The following CHRM3 variants were observed in gnomAD, a reference collection of about 807,000 sequenced individuals.
The protein encoded by CHRM3 is muscarinic acetylcholine receptor M3.
Under a neutral mutation model 41.8 loss-of-function variants are expected in CHRM3, and 11 were observed. The observed-to-expected ratio is 0.26, with a 90% confidence interval of 0.17 to 0.44. The LOEUF (loss-of-function observed/expected upper bound fraction) is 0.44. Among genes scored for constraint, CHRM3 ranks in the 20% least tolerant of loss-of-function variants. CHRM3 has a pLI of 1.00. For synonymous variants in CHRM3, 297 were observed against 301.4 expected (o/e 0.99, Z 0.15); for missense variants, 571 against 745.4 (o/e 0.77, Z 2.72).
chr1:239,802,452 T>G (rs565313044), intron 5 of CHRM3, among the ~76,000 whole-genome samples: 1 of 152,282 alleles, frequency 6.6e-6, no homozygotes, highest in South Asian at 2.1e-4. Context: ...CCCCTGTGAG[T>G]GCTTTGCGAA....
chr1:239,785,091 G>T (rs576081036), intron 5 of CHRM3, among the ~76,000 whole-genome samples: 57 of 151,998 alleles, frequency 3.8e-4, no homozygotes, highest in Non-Finnish European at 6.8e-4. Context: ...CTATCCATGT[G>T]CCAGCTTTGC....
At chr1:239,652,014 A>G (rs1672291136) in intron 4 of CHRM3, among the ~76,000 whole-genome samples, 3 of 150,110 alleles carry the variant, frequency 2.0e-5, no homozygotes, top group African/African-American at 7.4e-5. Context: ...ATGCAGCTAC[A>G]AGGCCACCAG....
At chr1:239,879,668 C>T (rs564162661) in intron 6 of CHRM3, among the ~76,000 whole-genome samples, 5 of 152,294 alleles carry the variant, frequency 3.3e-5, no homozygotes, top group East Asian at 3.9e-4. Context: ...GTGCAGAATC[C>T]GGCAGCAATG....
intron 1 of CHRM3, among the ~76,000 whole-genome samples, chr1:239,469,270 T>C (rs1042724840): frequency 6.6e-6 from 1 of 152,246 alleles, no homozygotes; most frequent in African/African-American, 2.4e-5. Context: ...CATACCTGTG[T>C]GTCTCTGTCC....
intron 6 of CHRM3, among the ~76,000 whole-genome samples, chr1:239,869,919 T>A (rs1180239864): frequency 6.6e-6 from 1 of 152,096 alleles, no homozygotes; most frequent in African/African-American, 2.4e-5. Context: ...AAGGGAGTGA[T>A]CATTTGGAGT....
At chr1:239,759,186 T>G (rs551412194) in intron 5 of CHRM3, among the ~76,000 whole-genome samples, 1,579 of 134,436 alleles carry the variant, frequency 0.012, 38 homozygotes, top group African/African-American at 0.049. Context: ...TTTTTTGTTT[T>G]TTTTTTTTTT....
rs527324422 is a variant in CHRM3 at position 239,819,159 on chromosome 1, G to T, written c.-146-8093G>T. ...TCCCTGGCCAAGCAGATAGATTTGC[G>T]CTCCTTAAAAGCTCTACCTTGTTGC... On this transcript the variant is annotated intron_variant, in intron 5 of 6. Coordinates refer to ENST00000676153, the MANE Select transcript of CHRM3 (RefSeq NM_001375978.1). Among the ~76,000 whole-genome samples the T allele has an allele frequency of 5.3e-5, 8 of 152,230 alleles. No individual in the cohort carries two copies. In the South Asian group the frequency reaches 1.7e-3, roughly 32 times the overall value.
intron 6 of CHRM3, among the ~76,000 whole-genome samples, chr1:239,888,441 T>C (rs1210123371): frequency 2.0e-5 from 3 of 150,158 alleles, no homozygotes; most frequent in African/African-American, 7.4e-5. Flanking sequence ...AACATTTTTA[T>C]GGTTAGCCAG....
intron 5 of CHRM3, among the ~76,000 whole-genome samples, chr1:239,710,877 C>T (rs1479741343): frequency 6.6e-6 from 1 of 151,992 alleles, no homozygotes; most frequent in East Asian, 1.9e-4. Flanking sequence ...TTCCTAACTT[C>T]ATTCATGCTA....
At chr1:239,727,718 G>A (rs1254802382) in intron 5 of CHRM3, 1 of 151,804 alleles carries the variant, frequency 6.6e-6, no homozygotes, top group Non-Finnish European at 1.5e-5. Context: ...CGTGTGTCGT[G>A]TATTTGCAAA....
intron 5 of CHRM3, among the ~76,000 whole-genome samples, chr1:239,773,587 G>T (rs752458230): frequency 7.0e-4 from 107 of 152,264 alleles, no homozygotes; most frequent in Non-Finnish European, 9.4e-4. Flanking sequence ...TTCCAGGCAG[G>T]AATGAAAGTA....
In CHRM3 at chr1:239,908,785, C is replaced by T. The variant is rs143159997; in HGVS notation, c.1334C>T (p.Ser445Phe). 34 of 1,614,140 alleles carry T rather than the reference C, an allele frequency of 2.1e-5. No homozygotes were observed. Among genetic ancestry groups the T allele is most frequent in the Non-Finnish European group, 2.9e-5 (34 of 1,180,028 alleles). ...VDTAKTSDVN[S>F]SVGKSTATLP... The stretch of plus-strand genomic sequence containing the variant: ...ACAGCTAAGACTTCTGACGTCAACT[C>T]CTCAGTGGGTAAGAGCACGGCCACT... The change falls in exon 7 of 7, where the codon TCC (serine) becomes TTC (phenylalanine). Residue 445 changes from serine (S) to phenylalanine (F), a missense_variant. Coordinates refer to ENST00000676153, the MANE Select transcript of CHRM3 (RefSeq NM_001375978.1). This position sits in a 1 kb window ranked among gnomAD's most constrained non-coding sequence, Gnocchi z 7.2.
At chr1:239,829,371 G>A (rs1167463796) in intron 6 of CHRM3, among the ~76,000 whole-genome samples, 1 of 151,872 alleles carries the variant, frequency 6.6e-6, no homozygotes, top group African/African-American at 2.4e-5. Context: ...GGACTGGGAA[G>A]GCATTAGTTC....
intron 3 of CHRM3, among the ~76,000 whole-genome samples, chr1:239,597,744 A>G (rs1664953409): frequency 6.6e-6 from 1 of 151,770 alleles, no homozygotes; most frequent in African/African-American, 2.4e-5. Flanking sequence ...TTGTTTTTAA[A>G]AAGTTTTTAT....
chr1:239,663,077 T>A (rs1269220304), intron 4 of CHRM3, among the ~76,000 whole-genome samples: 1 of 151,910 alleles, frequency 6.6e-6, no homozygotes, highest in African/African-American at 2.4e-5. Flanking sequence ...ATTGCTGTGT[T>A]TGGGAAGCAG....
At chr1:239,782,386 T>G (rs1385079328) in intron 5 of CHRM3, among the ~76,000 whole-genome samples, 1 of 152,118 alleles carries the variant, frequency 6.6e-6, no homozygotes, top group Non-Finnish European at 1.5e-5. Flanking sequence ...GATTATCAAA[T>G]TTGTGGGCAA....
intron 2 of CHRM3, among the ~76,000 whole-genome samples, chr1:239,532,913 TAA>T (rs1320530988): frequency 3.3e-5 from 5 of 152,140 alleles, no homozygotes; most frequent in Non-Finnish European, 7.4e-5. Context: ...TTAGTTGCAA[TAA>T]AAAGTTTTTT....
chr1:239,851,879 A>T (rs2790326), intron 6 of CHRM3, among the ~76,000 whole-genome samples: 1 of 152,004 alleles, frequency 6.6e-6, no homozygotes, highest in Non-Finnish European at 1.5e-5. Flanking sequence ...ATCTCGTAGA[A>T]CTGGGCTTCT....
At chr1:239,542,912 G>A (rs1274883116) in intron 2 of CHRM3, among the ~76,000 whole-genome samples, 2 of 152,214 alleles carry the variant, frequency 1.3e-5, no homozygotes, top group African/African-American at 4.8e-5. Context: ...TATTATGTAT[G>A]TAGCAGATTC....
Sources: allele counts gnomAD v4.1 joint callset (sites outside exome capture counted in the v4.1 genomes callset), GRCh38; gene constraint gnomAD v4.1.1; non-coding constraint Gnocchi (gnomAD v3.1); transcripts MANE v1.5; gene names NCBI Gene and HGNC (gene_info 2026-07-23, HGNC 2026-07-21).